The following C19orf47 variants were observed in gnomAD, a reference collection of about 807,000 sequenced individuals.
The protein encoded by C19orf47 is chromosome 19 open reading frame 47, also known as uncharacterized protein C19orf47.
In C19orf47, 18 loss-of-function variants were observed where a neutral mutation model predicts 32.3. The observed-to-expected ratio is 0.56, with a 90% CI of 0.39 to 0.83. C19orf47 has a LOEUF of 0.83. Ranked by LOEUF, C19orf47 falls within the 40% of genes least tolerant of loss-of-function variation. The pLI is 0.00. For missense variants in C19orf47, 484 were observed against 531.6 expected, an observed-to-expected ratio of 0.91 and a Z score of 0.88; for synonymous variants, 202 against 211.1, an observed-to-expected ratio of 0.96 and a Z score of 0.37.
At chr19:40,304,113 T>C in the C19orf47 span, among the ~76,000 whole-genome samples, 1 of 152,196 alleles carries the variant, frequency 6.6e-6, no homozygotes, top group East Asian at 1.9e-4. Context: ...AACTGATTAA[T>C]TGGACTGACC....
At chr19:40,318,290 A>G (rs924569662), downstream of C19orf47, among the ~76,000 whole-genome samples, 1 of 152,158 alleles carries the variant, frequency 6.6e-6, no homozygotes, top group Non-Finnish European at 1.5e-5. Context: ...AGGATTCTGA[A>G]GTCTGCTCCC....
chr19:40,318,439 T>C (rs2077678069), downstream of C19orf47, among the ~76,000 whole-genome samples: 1 of 152,142 alleles, frequency 6.6e-6, no homozygotes, highest in South Asian at 2.1e-4. Context: ...ATTACCTATA[T>C]ATGTTTTTAT....
chr19:40,313,254 A>T, the C19orf47 span, among the ~76,000 whole-genome samples: 1 of 152,178 alleles, frequency 6.6e-6, no homozygotes, highest in Non-Finnish European at 1.5e-5. Context: ...CCTTTTAAGG[A>T]CTGGAATTTT....
chr19:40,295,905 C>T, the C19orf47 span, among the ~76,000 whole-genome samples: 1 of 152,138 alleles, frequency 6.6e-6, no homozygotes, highest in South Asian at 2.1e-4. Context: ...TGCCACCACT[C>T]CTGGCTAATA....
At chr19:40,318,055 T>C (rs987453482), downstream of C19orf47, among the ~76,000 whole-genome samples, 8 of 151,964 alleles carry the variant, frequency 5.3e-5, no homozygotes, top group African/African-American at 1.9e-4. Context: ...CCTTGACCCT[T>C]CTCCAAAAGG....
rs955913476 is a variant in C19orf47, at chr19:40,333,925, A to G, written c.227T>C (p.Met76Thr). 8 of 1,563,426 alleles carry G rather than the reference A, an allele frequency of 5.1e-6. No homozygotes were observed. The highest frequency in any genetic ancestry group is 3.5e-5 in the South Asian group (3 of 84,740). The change falls in exon 5 of 9, where the codon ATG becomes ACG. Residue 76 changes from methionine to threonine, a missense_variant. This residue lies in a region of C19orf47 where 376 missense variants were observed against 370.2 expected (regional missense o/e 1.02). Coordinates refer to ENST00000683109, the MANE Select transcript of C19orf47 (RefSeq NM_001256441.2). Reference protein sequence around the residue: ...KHAKVVHRQDMCKAATESVPC... With the variant: ...KHAKVVHRQDTCKAATESVPC... ...TACTGACTCAGTGGCAGCTTTGCAC[A>G]TGTCCTGTGAAAAAAGAACAGGCAC...
At chr19:40,327,807 C>T (rs1426601664) in intron 6 of C19orf47, among the ~76,000 whole-genome samples, 1 of 152,048 alleles carries the variant, frequency 6.6e-6, no homozygotes, top group Non-Finnish European at 1.5e-5. Context: ...CAAGGGGTCA[C>T]CAGGAGCAAA....
At chr19:40,339,679 A>T (rs556647083) in intron 2 of C19orf47, among the ~76,000 whole-genome samples, 1 of 152,292 alleles carries the variant, frequency 6.6e-6, no homozygotes, top group Admixed American at 6.5e-5. Context: ...ACTATAAAGA[A>T]AAGCAAGGAA....
the C19orf47 span, among the ~76,000 whole-genome samples, chr19:40,302,480 G>C: frequency 6.6e-6 from 1 of 152,002 alleles, no homozygotes; most frequent in Admixed American, 6.6e-5. Context: ...ATTTTTTATA[G>C]AGATGGGGTT....
At chr19:40,319,042 C>T (rs10405485), downstream of C19orf47, among the ~76,000 whole-genome samples, 1,182 of 152,104 alleles carry the variant, frequency 7.8e-3, 16 homozygotes, top group African/African-American at 0.027. Flanking sequence ...GAGGCTGAGG[C>T]GGGCGGATCA....
At position 40,319,870 on chromosome 19, in the gene C19orf47, G is replaced by C. The variant is rs187360514; in HGVS notation, c.*2012C>G. The C allele has an allele frequency of 6.5e-6, 1 of 153,954 alleles. No individual in the cohort carries two copies. The highest frequency in any genetic ancestry group is 2.4e-5 in the African/African-American group (1 of 41,380). 9.5% of individuals were successfully genotyped at this position (153,954 alleles called of 1,614,324 possible). On this transcript the variant is annotated 3_prime_UTR_variant, in exon 9 of 9. Coordinates refer to ENST00000683109, the MANE Select transcript of C19orf47 (RefSeq NM_001256441.2). ...GGCTTTGATTCCAGCTGTACCCTGC[G>C]CACTGTCAGCAGCCATGAACCCCCA...
At chr19:40,326,744 CT>C (rs1488724677) in intron 6 of C19orf47, among the ~76,000 whole-genome samples, 1 of 152,148 alleles carries the variant, frequency 6.6e-6, no homozygotes, top group Admixed American at 6.6e-5. Context: ...TCCAAGCAGG[CT>C]TCTGGCCCAG....
chr19:40,314,234 C>A, the C19orf47 span, among the ~76,000 whole-genome samples: 1 of 152,196 alleles, frequency 6.6e-6, no homozygotes, highest in Non-Finnish European at 1.5e-5. Flanking sequence ...TCAAGACCAG[C>A]CTGAACAATA....
At position 40,321,834 on chromosome 19, in the gene C19orf47, G is replaced by C; in HGVS notation, c.*48C>G. 6.7e-7 allele frequency: 1 copy of C among 1,484,034 alleles called. No individual in the cohort carries two copies. The highest frequency in any genetic ancestry group is 1.4e-5 in the South Asian group (1 of 71,994). The allele number at this position is 1,484,034 out of a possible 1,614,324, so 91.9% of individuals were successfully genotyped here. A position where few individuals can be genotyped will look rare whatever the true frequency, so the allele number is the denominator to read the frequency against. On this transcript the variant is annotated 3_prime_UTR_variant, in exon 9 of 9. Coordinates refer to ENST00000683109, the MANE Select transcript of C19orf47 (RefSeq NM_001256441.2). ...TGAAGCCAGGAGCCTGGGGCGGCCAGGGCAGATGCCCGCAGGCTCTGCTGC... is the reference window on the plus strand; with the variant it reads ...TGAAGCCAGGAGCCTGGGGCGGCCACGGCAGATGCCCGCAGGCTCTGCTGC...
chr19:40,319,199 G>A (rs995127092), downstream of C19orf47, among the ~76,000 whole-genome samples: 4 of 151,914 alleles, frequency 2.6e-5, no homozygotes, highest in African/African-American at 4.8e-5. Context: ...GAACCCTGGA[G>A]GTGGAGGTTT....
chr19:40,306,061 G>A, the C19orf47 span, among the ~76,000 whole-genome samples: 1 of 144,732 alleles, frequency 6.9e-6, no homozygotes, highest in East Asian at 2.1e-4. Flanking sequence ...TGAGGCAGGA[G>A]AATCGCTTGA....
intron 1 of C19orf47, among the ~76,000 whole-genome samples, chr19:40,342,607 C>T (rs983811421): frequency 2.6e-5 from 4 of 152,192 alleles, no homozygotes; most frequent in Admixed American, 2.0e-4. Context: ...TAATATAGTA[C>T]GTTAGGAAGC....
intron 1 of C19orf47, among the ~76,000 whole-genome samples, chr19:40,346,475 A>G (rs1410288658): frequency 6.8e-6 from 1 of 146,724 alleles, no homozygotes; most frequent in East Asian, 2.0e-4. Context: ...ATAAATAAAT[A>G]AATAAATAAA....
chr19:40,322,424 C>T (rs746357323), intron 8 of C19orf47, 48 bp from the exon 9 acceptor site: 2 of 1,514,614 alleles, frequency 1.3e-6, no homozygotes, highest in East Asian at 4.6e-5. Context: ...TCACTCAACA[C>T]ACATTCATGG....
Sources: gnomAD v4.1 joint callset for allele counts (sites outside exome capture counted in the v4.1 genomes callset) on GRCh38, gnomAD v4.1.1 for gene constraint, gnomAD v4.1.1 regional missense constraint, MANE v1.5 for transcripts, NCBI Gene and HGNC (gene_info 2026-07-23, HGNC 2026-07-21) for gene names.